The following LRRC7 variants were observed in gnomAD, a reference collection of about 807,000 sequenced individuals.
LRRC7 encodes the protein leucine-rich repeat-containing protein 7.
A neutral mutation model predicts 175.7 loss-of-function variants in LRRC7; 23 were observed. The ratio of observed to expected loss-of-function variants is 0.13; its 90% confidence interval spans 0.09 to 0.19. LRRC7 has a LOEUF of 0.19. Among genes scored for constraint, LRRC7 ranks in the 10% least tolerant of loss-of-function variants. The pLI is 1.00. For synonymous variants in LRRC7, 685 were observed against 680.9 expected (o/e 1.01, Z -0.09); for missense variants, 1,354 against 1,904.7 (o/e 0.71, Z 5.38).
intron 1 of LRRC7, among the ~76,000 whole-genome samples, chr1:69,609,866 G>C (rs1158530610): frequency 1.3e-5 from 2 of 151,742 alleles, no homozygotes; most frequent in Admixed American, 1.3e-4. Context: ...TCATACAACC[G>C]GCATTTTATA....
At chr1:69,724,871 A>G (rs1666769633) in intron 2 of LRRC7, among the ~76,000 whole-genome samples, 1 of 152,182 alleles carries the variant, frequency 6.6e-6, no homozygotes, top group Admixed American at 6.5e-5. Context: ...GTTACTATAA[A>G]TAATTAGACA....
chr1:69,922,691 A>G (rs893502297), intron 7 of LRRC7, among the ~76,000 whole-genome samples: 3 of 152,166 alleles, frequency 2.0e-5, no homozygotes, highest in Non-Finnish European at 4.4e-5. Context: ...CAAAATTACC[A>G]CTAATCTCCA....
intron 8 of LRRC7, among the ~76,000 whole-genome samples, chr1:69,945,706 C>T (rs1649234953): frequency 6.6e-6 from 1 of 152,052 alleles, no homozygotes; most frequent in Admixed American, 6.6e-5. Context: ...TCAGTGTACA[C>T]ATCTTTCACC....
chr1:69,858,459 T>A (rs1028687581), intron 7 of LRRC7, among the ~76,000 whole-genome samples: 18 of 151,504 alleles, frequency 1.2e-4, no homozygotes. Flanking sequence ...AGTATAATAA[T>A]AAAAAAAAAT....
At chr1:69,768,308 C>A (rs563256175) in intron 3 of LRRC7, among the ~76,000 whole-genome samples, 1 of 152,166 alleles carries the variant, frequency 6.6e-6, no homozygotes, top group Non-Finnish European at 1.5e-5. Context: ...GCTTTCTCCT[C>A]GGAGACTTTA....
At chr1:69,835,482 A>G (rs1393080975) in intron 6 of LRRC7, among the ~76,000 whole-genome samples, 1 of 151,970 alleles carries the variant, frequency 6.6e-6, no homozygotes, top group Non-Finnish European at 1.5e-5. Flanking sequence ...CAAATAATAA[A>G]CATAATACAA....
intron 4 of LRRC7, among the ~76,000 whole-genome samples, chr1:69,807,504 A>G (rs540054250): frequency 7.3e-4 from 111 of 152,154 alleles, no homozygotes; most frequent in African/African-American, 2.4e-3. Context: ...GGTGACAAAA[A>G]TCCCTCAGCA....
At chr1:69,848,664 T>C (rs1257978914) in intron 7 of LRRC7, among the ~76,000 whole-genome samples, 1 of 152,076 alleles carries the variant, frequency 6.6e-6, no homozygotes, top group East Asian at 1.9e-4. Flanking sequence ...CTCTCCTCTC[T>C]ACTCAAGTCA....
At chr1:69,714,283 G>A (rs562301189) in intron 2 of LRRC7, among the ~76,000 whole-genome samples, 1 of 152,030 alleles carries the variant, frequency 6.6e-6, no homozygotes, top group Non-Finnish European at 1.5e-5. Context: ...TAATACATAA[G>A]CAATATTTAT....
intron 1 of LRRC7, among the ~76,000 whole-genome samples, chr1:69,677,949 T>G (rs147623494): frequency 4.5e-4 from 69 of 152,148 alleles, no homozygotes; most frequent in African/African-American, 1.6e-3. Context: ...GAGAGAAGTC[T>G]ACCTTTTTCC....
At chr1:69,590,814 A>C (rs1275775640) in intron 1 of LRRC7, among the ~76,000 whole-genome samples, 3 of 152,134 alleles carry the variant, frequency 2.0e-5, no homozygotes, top group African/African-American at 7.2e-5. Context: ...AGCTTTAGAC[A>C]TAAAAAATTC....
intron 1 of LRRC7, among the ~76,000 whole-genome samples, chr1:69,617,567 A>AAAAAAAAAAAAG (rs1649853721): frequency 6.7e-6 from 1 of 150,118 alleles, no homozygotes; most frequent in African/African-American, 2.4e-5. Context: ...AAAAAAAAAA[A>AAAAAAAAAAAAG]AAAAATCAGA....
rs753076846 is a variant in LRRC7 at position 70,012,980 on chromosome 1, A to T, written c.1141A>T (p.Ser381Cys). 2.6e-6 allele frequency: 4 copies of T among 1,542,526 alleles called. No homozygotes were observed. Among genetic ancestry groups the T allele is most frequent in the Non-Finnish European group, 3.5e-6 (4 of 1,140,830 alleles). The change falls in exon 13 of 27, where the codon AGT becomes TGT. Residue 381 changes from serine (S) to cysteine (C), a missense_variant. Physicochemically the swap from Ser to Cys is moderately radical, Grantham distance 112. Coordinates refer to ENST00000651989, the MANE Select transcript of LRRC7 (RefSeq NM_001370785.2). ...FLPELPREIG[S>C]CKNVTVMSLR... ...TTTCTTTTGTTACCTACAGATTGGAAGTTGTAAGAATGTAACAGTCATGTC... is the reference window on the plus strand; with the variant it reads ...TTTCTTTTGTTACCTACAGATTGGATGTTGTAAGAATGTAACAGTCATGTC...
chr1:69,865,469 C>CTTTTTT (rs532063540), intron 7 of LRRC7, among the ~76,000 whole-genome samples: 3,191 of 51,218 alleles, frequency 0.062, 705 homozygotes, highest in Non-Finnish European at 0.082. Context: ...AAGACAGTTC[C>CTTTTTT]TTTTTTTTTT....
At chr1:69,801,920 A>G (rs1676553469) in intron 4 of LRRC7, among the ~76,000 whole-genome samples, 1 of 144,594 alleles carries the variant, frequency 6.9e-6, no homozygotes, top group African/African-American at 2.5e-5. Context: ...TTGTGTCTCC[A>G]TTTTCATTCA....
intron 25 of LRRC7, among the ~76,000 whole-genome samples, chr1:70,092,728 T>G (rs568203208): frequency 6.6e-6 from 1 of 152,264 alleles, no homozygotes; most frequent in Admixed American, 6.5e-5. Flanking sequence ...CTGGCAGACA[T>G]TCTGATCTAC....
intron 4 of LRRC7, among the ~76,000 whole-genome samples, chr1:69,796,737 T>A (rs746064026): frequency 1.3e-5 from 2 of 151,798 alleles, no homozygotes; most frequent in Non-Finnish European, 2.9e-5. Flanking sequence ...GAGGTTGCGG[T>A]GAGCCGAGAT....
chr1:69,594,885 C>G (rs1464730553), intron 1 of LRRC7, among the ~76,000 whole-genome samples: 9 of 152,144 alleles, frequency 5.9e-5, no homozygotes, highest in Admixed American at 5.9e-4. Flanking sequence ...TTGGCTGACT[C>G]TTACTCAACC....
chr1:69,795,524 G>GA (rs1323065401), intron 4 of LRRC7, among the ~76,000 whole-genome samples: 1 of 152,136 alleles, frequency 6.6e-6, no homozygotes, highest in Non-Finnish European at 1.5e-5. Flanking sequence ...TGACAAGGTT[G>GA]GAATAGCCCT....
Sources: gnomAD v4.1 joint callset for allele counts (sites outside exome capture counted in the v4.1 genomes callset) on GRCh38, gnomAD v4.1.1 for gene constraint, MANE v1.5 for transcripts, NCBI Gene and HGNC (gene_info 2026-07-23, HGNC 2026-07-21) for gene names.